ADAMTSL1: variants seen among roughly 807,000 people sequenced by gnomAD.
ADAMTSL1 encodes ADAMTS like 1.
Under a neutral mutation model 201.8 loss-of-function variants are expected in ADAMTSL1, and 126 were observed. The observed-to-expected ratio is 0.62, with a 90% CI of 0.54 to 0.72. ADAMTSL1 has a LOEUF of 0.72. ADAMTSL1 is among the 30% of genes least tolerant of loss of function. The pLI, the probability that ADAMTSL1 is intolerant of heterozygous loss-of-function variation, is 0.00. For missense variants in ADAMTSL1, 2,679 were observed against 2,277.8 expected (o/e 1.18, Z -3.59); for synonymous variants, 1,121 against 903.4 (o/e 1.24, Z -4.32).
At chr9:18,662,323 A>G (rs1564129749) in intron 9 of ADAMTSL1, among the ~76,000 whole-genome samples, 1 of 152,000 alleles carries the variant, frequency 6.6e-6, no homozygotes, top group Non-Finnish European at 1.5e-5. Context: ...CTTCAGAGTC[A>G]TTTTCTCTTC....
chr9:18,156,308 G>T (rs1827149595), intron 1 of ADAMTSL1, among the ~76,000 whole-genome samples: 1 of 151,990 alleles, frequency 6.6e-6, no homozygotes, highest in Non-Finnish European at 1.5e-5. Flanking sequence ...AGGAGCCAAT[G>T]TAAACTAAGC....
intron 2 of ADAMTSL1, among the ~76,000 whole-genome samples, chr9:18,169,971 A>C (rs1827817303): frequency 6.6e-6 from 1 of 152,034 alleles, no homozygotes. Context: ...ACCTTGGGCA[A>C]ATACAGGGAG....
At chr9:18,102,995 C>A (rs1040108324) in intron 1 of ADAMTSL1, among the ~76,000 whole-genome samples, 3 of 152,126 alleles carry the variant, frequency 2.0e-5, no homozygotes, top group African/African-American at 7.2e-5. Flanking sequence ...TGAACTGATG[C>A]CCTTGACTCT....
At chr9:18,901,630 C>A (rs1830024191) in intron 26 of ADAMTSL1, among the ~76,000 whole-genome samples, 1 of 151,922 alleles carries the variant, frequency 6.6e-6, no homozygotes, top group South Asian at 2.1e-4. Flanking sequence ...TATATGTAAT[C>A]CCCATGGTAA....
intron 1 of ADAMTSL1, among the ~76,000 whole-genome samples, chr9:18,130,946 A>G (rs1343559100): frequency 6.6e-6 from 1 of 152,108 alleles, no homozygotes; most frequent in African/African-American, 2.4e-5. Flanking sequence ...GGTTTTACTC[A>G]TTTCTATTGG....
At chr9:18,667,457 C>T (rs1829520523) in intron 9 of ADAMTSL1, among the ~76,000 whole-genome samples, 1 of 152,082 alleles carries the variant, frequency 6.6e-6, no homozygotes, top group South Asian at 2.1e-4. Flanking sequence ...ATAAAACGTC[C>T]TGGCTTGAGA....
At chr9:17,981,518 C>T (rs1818694524) in intron 1 of ADAMTSL1, among the ~76,000 whole-genome samples, 1 of 152,204 alleles carries the variant, frequency 6.6e-6, no homozygotes, top group African/African-American at 2.4e-5. Flanking sequence ...TTAATTTTGA[C>T]TGCTTGCTTG....
rs376643180 is a variant in ADAMTSL1 at position 18,574,267 on chromosome 9, G to C, written c.474+1G>C. On this transcript the variant is annotated splice_donor_variant, in intron 4 of 28. Coordinates refer to ENST00000380548, the MANE Select transcript of ADAMTSL1 (RefSeq NM_001040272.6). LOFTEE classifies it high-confidence loss of function. ...TATGTGCATCAGTGGTTTATGCCAA[G>C]TAAGTGCTGATTTGTTCTCATTCAA... 1 of 1,612,164 alleles carries C rather than the reference G, an allele frequency of 6.2e-7. No individual in the cohort carries two copies. The highest frequency in any genetic ancestry group is 8.5e-7 in the Non-Finnish European group (1 of 1,178,188).
chr9:18,019,365 T>G (rs774463179), intron 1 of ADAMTSL1, among the ~76,000 whole-genome samples: 10 of 152,056 alleles, frequency 6.6e-5, no homozygotes, highest in Non-Finnish European at 1.2e-4. Context: ...AAAAAATAGC[T>G]TATCAGCAAA....
chr9:18,134,035 A>G (rs1023079915), intron 1 of ADAMTSL1, among the ~76,000 whole-genome samples: 3 of 152,178 alleles, frequency 2.0e-5, no homozygotes, highest in African/African-American at 7.2e-5. Flanking sequence ...AAGGAATGAA[A>G]ATGGGACACA....
intron 3 of ADAMTSL1, among the ~76,000 whole-genome samples, chr9:18,545,876 G>A (rs1326609552): frequency 6.6e-6 from 1 of 152,144 alleles, no homozygotes; most frequent in Non-Finnish European, 1.5e-5. Flanking sequence ...GCAAATACTT[G>A]CATGTGTTCA....
chr9:18,834,445 C>T lies in ADAMTSL1; in HGVS notation c.4249+4468C>T, dbSNP rs62549133. Among the ~76,000 whole-genome samples, 1,244 of 152,110 alleles carry T rather than the reference C, an allele frequency of 8.2e-3. 18 individuals carry two copies. Among genetic ancestry groups the T allele is most frequent in the African/African-American group, 0.027 (1,106 of 41,512 alleles). ...TATAAGATACAAATACTTCTTTATA[C>T]GTTTGACCCATATTTGACAATCTGG... On this transcript the variant is annotated intron_variant, in intron 23 of 28. Coordinates refer to ENST00000380548, the MANE Select transcript of ADAMTSL1 (RefSeq NM_001040272.6).
chr9:18,703,556 A>G (rs1387617923), intron 13 of ADAMTSL1, among the ~76,000 whole-genome samples: 2 of 151,812 alleles, frequency 1.3e-5, no homozygotes, highest in East Asian at 1.9e-4. Flanking sequence ...AGACCTAAGG[A>G]TAGTGGATTG....
chr9:18,576,249 A>G (rs1482793493), intron 4 of ADAMTSL1, among the ~76,000 whole-genome samples: 4 of 152,162 alleles, frequency 2.6e-5, no homozygotes, highest in African/African-American at 9.7e-5. Flanking sequence ...AGTAAAGGCG[A>G]TGGAAAAACA....
intron 1 of ADAMTSL1, among the ~76,000 whole-genome samples, chr9:18,113,816 T>C (rs1020351217): frequency 1.3e-5 from 2 of 152,158 alleles, no homozygotes; most frequent in Non-Finnish European, 2.9e-5. Context: ...TGTGTAACTA[T>C]TAACTCAGTA....
intron 2 of ADAMTSL1, among the ~76,000 whole-genome samples, chr9:18,520,483 A>G (rs944593826): frequency 1.6e-4 from 25 of 152,224 alleles, no homozygotes; most frequent in African/African-American, 6.0e-4. Flanking sequence ...ATCTATGCCA[A>G]AGAAACACTT....
intron 1 of ADAMTSL1, among the ~76,000 whole-genome samples, chr9:17,991,059 G>A (rs1435714566): frequency 6.6e-6 from 1 of 152,026 alleles, no homozygotes; most frequent in African/African-American, 2.4e-5. Flanking sequence ...GTTAGTTCTA[G>A]AATTTAACAA....
In ADAMTSL1 at chr9:18,585,114, A is replaced by G. The variant is rs117322235; in HGVS notation, c.474+10848A>G. 1.6e-4 allele frequency among the ~76,000 whole-genome samples: 24 copies of G among 152,228 alleles called. No homozygotes were observed. The East Asian group carries it at 4.6e-3, about 29-fold the overall frequency. ...CATAGAAATTCATTTATTTCGTAAT[A>G]TTTTATTTTTGTCACCGTAGCTGGG... On this transcript the variant is annotated intron_variant, in intron 4 of 28. Coordinates refer to ENST00000380548, the MANE Select transcript of ADAMTSL1 (RefSeq NM_001040272.6).
intron 2 of ADAMTSL1, among the ~76,000 whole-genome samples, chr9:18,424,210 C>T (rs758155173): frequency 6.6e-6 from 1 of 152,132 alleles, no homozygotes; most frequent in Non-Finnish European, 1.5e-5. Context: ...CTTCCATTTC[C>T]AAGACTCTCT....
Sources: allele counts gnomAD v4.1 joint callset (sites outside exome capture counted in the v4.1 genomes callset), GRCh38; gene constraint gnomAD v4.1.1; transcripts MANE v1.5; gene names NCBI Gene and HGNC (gene_info 2026-07-23, HGNC 2026-07-21).